Variants in FHOD3 observed in about 807,000 individuals in gnomAD.
FHOD3 encodes formin homology 2 domain containing 3.
A neutral mutation model predicts 173.0 loss-of-function variants in FHOD3; 90 were observed. That is an observed-to-expected ratio of 0.52 (90% CI 0.44 to 0.62). FHOD3 has a LOEUF of 0.62. FHOD3 is among the 20% of genes least tolerant of loss of function. The pLI is 0.00. For missense variants in FHOD3, 1,945 were observed against 2,034.7 expected (o/e 0.96, Z 0.85); for synonymous variants, 828 against 823.0 (o/e 1.01, Z -0.10).
intron 28 of FHOD3, among the ~76,000 whole-genome samples, chr18:36,776,208 G>C (rs909493046): frequency 6.0e-5 from 9 of 150,436 alleles, no homozygotes. Context: ...TTGCTTTCTG[G>C]AAACTTTCTG....
At chr18:36,319,224 C>A (rs1184681517) in intron 1 of FHOD3, among the ~76,000 whole-genome samples, 3 of 151,994 alleles carry the variant, frequency 2.0e-5, no homozygotes, top group Admixed American at 1.3e-4. Flanking sequence ...TTTCAGGAGA[C>A]CCATCTCACG....
At chr18:36,678,162 A>G (rs2037983779) in intron 14 of FHOD3, among the ~76,000 whole-genome samples, 2 of 152,100 alleles carry the variant, frequency 1.3e-5, no homozygotes, top group Non-Finnish European at 2.9e-5. Context: ...GGCTTGGACC[A>G]CCAGAATAAT....
At chr18:36,472,223 C>T (rs144095045) in intron 3 of FHOD3, among the ~76,000 whole-genome samples, 24 of 152,216 alleles carry the variant, frequency 1.6e-4, no homozygotes, top group African/African-American at 5.1e-4. Flanking sequence ...GTGGTGTTTT[C>T]GATGAATACT....
At chr18:36,622,743 T>G (rs1209944070) in intron 9 of FHOD3, among the ~76,000 whole-genome samples, 1 of 152,198 alleles carries the variant, frequency 6.6e-6, no homozygotes, top group Non-Finnish European at 1.5e-5. Flanking sequence ...TGAAAAGCCG[T>G]ACTCTCCAGG....
chr18:36,484,789 A>G (rs1321940597), intron 3 of FHOD3, among the ~76,000 whole-genome samples: 1 of 152,138 alleles, frequency 6.6e-6, no homozygotes, highest in African/African-American at 2.4e-5. Flanking sequence ...CTGTCGGACC[A>G]CAAAGATTAC....
rs773196842 is a variant in FHOD3 at position 36,760,758 on chromosome 18, C to A, written c.4600C>A (p.Arg1534Ser). The A allele has an allele frequency of 1.9e-6, 3 of 1,610,938 alleles. No homozygotes were observed. In the Admixed American group the frequency reaches 5.0e-5, roughly 27 times the overall value. The change falls in exon 27 of 29, where the codon CGC (arginine) becomes AGC (serine). Residue 1534 changes from arginine to serine, a missense_variant. Transcript: ENST00000590592. Reference sequence around the variant, plus strand: ...GGACGCCACCCCCGCGCTGGGCGTCCGCACACGCAGCCGAGCAAGCCGAGG... The same window carrying A: ...GGACGCCACCCCCGCGCTGGGCGTCAGCACACGCAGCCGAGCAAGCCGAGG... ...VEDATPALGV[R>S]TRSRASRGST...
intron 10 of FHOD3, among the ~76,000 whole-genome samples, chr18:36,627,612 A>G (rs2034206957): frequency 6.6e-6 from 1 of 152,030 alleles, no homozygotes; most frequent in Admixed American, 6.6e-5. Context: ...ATTTGAGCAA[A>G]ATATACTTTG....
intron 14 of FHOD3, among the ~76,000 whole-genome samples, chr18:36,666,471 G>A (rs963623125): frequency 6.6e-6 from 1 of 152,196 alleles, no homozygotes; most frequent in African/African-American, 2.4e-5. Flanking sequence ...CTCTTGTCCT[G>A]TATCATTAGA....
chr18:36,643,224 G>T (rs1039029137), intron 10 of FHOD3, among the ~76,000 whole-genome samples: 1 of 151,978 alleles, frequency 6.6e-6, no homozygotes, highest in Admixed American at 6.6e-5. Context: ...CTAGTACACT[G>T]GTGCTTCAGT....
Position 36,700,507 on chromosome 18 carries a change from A to G in FHOD3, c.2236+7084A>G, listed in dbSNP as rs2039521250. 3.3e-5 allele frequency among the ~76,000 whole-genome samples: 5 copies of G among 152,004 alleles called. No individual in the cohort carries two copies. The South Asian group carries it at 1.0e-3, about 32-fold the overall frequency. On this transcript the variant is annotated intron_variant, in intron 17 of 28. Transcript: ENST00000590592. ...TCAACACTTACCTTACATCCAATCA[A>G]TCCCCAAGTGTCTTTTGTGTTGTTT...
chr18:36,311,034 A>G (rs1167787040), intron 1 of FHOD3, among the ~76,000 whole-genome samples: 2 of 152,244 alleles, frequency 1.3e-5, no homozygotes, highest in Non-Finnish European at 2.9e-5. Flanking sequence ...ACATGACAGA[A>G]AAGGAAAGGA....
chr18:36,541,299 C>T (rs1006631696), intron 5 of FHOD3, among the ~76,000 whole-genome samples: 3 of 149,596 alleles, frequency 2.0e-5, no homozygotes, highest in African/African-American at 4.9e-5. Context: ...AAAGTGTTGG[C>T]AGGGCGTGGT....
chr18:36,615,699 A>C (rs2033132208), intron 9 of FHOD3, among the ~76,000 whole-genome samples: 1 of 152,226 alleles, frequency 6.6e-6, no homozygotes, highest in Non-Finnish European at 1.5e-5. Flanking sequence ...TCACAATTAC[A>C]AATGCTGTTA....
chr18:36,584,170 C>G (rs1482746724), intron 6 of FHOD3, among the ~76,000 whole-genome samples: 1 of 152,202 alleles, frequency 6.6e-6, no homozygotes, highest in Non-Finnish European at 1.5e-5. Context: ...TCATTTTCCT[C>G]CCCTACCCTG....
intron 17 of FHOD3, among the ~76,000 whole-genome samples, chr18:36,704,402 A>G (rs2039756825): frequency 6.6e-6 from 1 of 152,160 alleles, no homozygotes; most frequent in Non-Finnish European, 1.5e-5. Context: ...ATGCACGCCC[A>G]CTGCTAGGAG....
At chr18:36,638,605 A>G (rs1205632527) in intron 10 of FHOD3, among the ~76,000 whole-genome samples, 1 of 152,224 alleles carries the variant, frequency 6.6e-6, no homozygotes, top group Non-Finnish European at 1.5e-5. Context: ...AACTTAGACC[A>G]GGGTAGTCTC....
intron 5 of FHOD3, among the ~76,000 whole-genome samples, chr18:36,534,044 TG>T (rs1304429900): frequency 6.6e-6 from 1 of 152,182 alleles, no homozygotes; most frequent in Non-Finnish European, 1.5e-5. Flanking sequence ...TGACCCATCC[TG>T]TTTGTGGACA....
intron 3 of FHOD3, among the ~76,000 whole-genome samples, chr18:36,380,257 G>GA (rs1198760554): frequency 2.6e-5 from 4 of 152,040 alleles, no homozygotes; most frequent in African/African-American, 9.7e-5. Context: ...TAGGATAATT[G>GA]AAAAAAAGGA....
intron 5 of FHOD3, among the ~76,000 whole-genome samples, chr18:36,543,829 T>C (rs2057316755): frequency 6.6e-6 from 1 of 152,202 alleles, no homozygotes; most frequent in Non-Finnish European, 1.5e-5. Flanking sequence ...CAAAAACAGT[T>C]CTACTTCTTA....
Sources: gnomAD v4.1 joint callset for allele counts (sites outside exome capture counted in the v4.1 genomes callset) on GRCh38, gnomAD v4.1.1 for gene constraint, MANE v1.5 for transcripts, NCBI Gene and HGNC (gene_info 2026-07-23, HGNC 2026-07-21) for gene names.